The following NAA38 variants were observed in gnomAD, a reference collection of about 807,000 sequenced individuals.
The protein encoded by NAA38 is LSM domain containing 1.
In NAA38, 15 loss-of-function variants were observed where a neutral mutation model predicts 12.6. The observed-to-expected ratio is 1.19, with a 90% CI of 0.79 to 1.83. The LOEUF (loss-of-function observed/expected upper bound fraction) is 1.83. Among genes scored for constraint, NAA38 ranks in the 40% most tolerant of loss-of-function variants. The probability of loss-of-function intolerance (pLI) is 0.00; values close to 1 mark genes in which losing one functional copy is unlikely to be tolerated. For missense variants in NAA38, 183 were observed against 171.7 expected (o/e 1.07, Z -0.37); for synonymous variants, 88 against 69.9 (o/e 1.26, Z -1.29).
upstream of NAA38, chr17:7,860,521 C>G (rs1390283138): frequency 6.6e-6 from 1 of 152,156 alleles, no homozygotes. Context: ...TAGGTAGTAA[C>G]CACTAGAGCC....
chr17:7,860,401 G>C (rs1192002629), upstream of NAA38: 1 of 152,142 alleles, frequency 6.6e-6, no homozygotes, highest in African/African-American at 2.4e-5. Flanking sequence ...TCTTGCCTCA[G>C]CCTCCCAAAT....
chr17:7,880,974 C>A (rs1262751510), intron 2 of NAA38, among the ~76,000 whole-genome samples: 5 of 152,036 alleles, frequency 3.3e-5, no homozygotes, highest in Non-Finnish European at 5.9e-5. Flanking sequence ...GCAAGCCCAG[C>A]CAAGTTAGTT....
chr17:7,862,405 T>C (rs904979057), upstream of NAA38: 2 of 152,190 alleles, frequency 1.3e-5, no homozygotes, highest in Non-Finnish European at 1.5e-5. Context: ...GGATTCACTT[T>C]CCTTGCTTCC....
In NAA38 at chr17:7,857,553, TC is replaced by T. The variant is rs1350048178; in HGVS notation, c.-91del. ...ATCTCGCGAGCGCTCCCGACCTCTTTCCTTTCGCGAGATCCCCTCTCCTCCC... is the reference window on the plus strand; with the variant it reads ...ATCTCGCGAGCGCTCCCGACCTCTTTCTTTCGCGAGATCCCCTCTCCTCCC... On this transcript the variant is annotated 5_prime_UTR_variant, in exon 1 of 3. Coordinates refer to ENST00000575771, the MANE Select transcript of NAA38 (RefSeq NM_001320925.4). The T allele has an allele frequency of 1.3e-5, 19 of 1,428,790 alleles. No homozygotes were observed. The highest frequency in any genetic ancestry group is 1.6e-5 in the Non-Finnish European group (17 of 1,094,648). 88.5% of individuals were successfully genotyped at this position (1,428,790 alleles called of 1,614,324 possible). A position where few individuals can be genotyped will look rare whatever the true frequency, so the allele number is the denominator to read the frequency against.
At position 7,856,815 on chromosome 17, in the gene NAA38, C is replaced by A; in HGVS notation, c.294G>T (p.Val98=). The change falls in exon 3 of 3, where the codon GTG becomes GTT. Residue 98 remains valine (V), a synonymous_variant. Transcript: ENST00000575771. ...GTCCGGGTACCATGGCCAGGCCCAGCACACGGGGCTCCCCGGCAGAGAAGG... is the reference window on the plus strand; with the variant it reads ...GTCCGGGTACCATGGCCAGGCCCAGAACACGGGGCTCCCCGGCAGAGAAGG... ...SDSFSAGEPR[V]LGLAMVPGHH... 6.2e-7 allele frequency: 1 copy of A among 1,613,934 alleles called. No homozygotes were observed. The highest frequency in any genetic ancestry group is 8.5e-7 in the Non-Finnish European group (1 of 1,180,020).
At chr17:7,871,417 A>T (rs1228293523) in intron 2 of NAA38, among the ~76,000 whole-genome samples, 1 of 152,182 alleles carries the variant, frequency 6.6e-6, no homozygotes, top group African/African-American at 2.4e-5. Context: ...CCTATTGTTC[A>T]TCTTTTGTAC....
At chr17:7,885,307 C>CCCGCCGCACCCCTCCCCCGCCG (rs1555603802), upstream of NAA38, 34 of 157,572 alleles carry the variant, frequency 2.2e-4, no homozygotes, top group Admixed American at 1.1e-3. Context: ...GCACCCCTCC[C>CCCGCCGCACCCCTCCCCCGCCG]CCGCCGCCGC....
At chr17:7,858,225 C>T (rs139498228), upstream of NAA38, 107 of 1,613,888 alleles carry the variant, frequency 6.6e-5, no homozygotes, top group Non-Finnish European at 8.4e-5. Flanking sequence ...ACATAACAGG[C>T]CCGAAGACCT....
upstream of NAA38, chr17:7,857,870 CTGAAAGCGGCGCAACTCA>C (rs770171185): frequency 6.8e-4 from 939 of 1,387,122 alleles, 8 homozygotes; most frequent in Middle Eastern, 0.011. Flanking sequence ...CCCGCAACTC[CTGAAAGCGGCGCAACTCA>C]ATTACTTGAT....
chr17:7,870,124 G>C (rs1221931988), intron 2 of NAA38, among the ~76,000 whole-genome samples: 2 of 152,270 alleles, frequency 1.3e-5, no homozygotes, highest in African/African-American at 4.8e-5. Context: ...GCTGGGCATG[G>C]TGGCCCCTGT....
intron 2 of NAA38, among the ~76,000 whole-genome samples, chr17:7,872,812 A>G (rs969659958): frequency 6.6e-5 from 10 of 152,350 alleles, no homozygotes; most frequent in African/African-American, 2.2e-4. Context: ...GATTTAAAGT[A>G]TCACCTTTGC....
At chr17:7,869,688 G>A (rs1449847490) in intron 2 of NAA38, among the ~76,000 whole-genome samples, 3 of 150,632 alleles carry the variant, frequency 2.0e-5, no homozygotes, top group South Asian at 2.1e-4. Flanking sequence ...GCTTCAACCC[G>A]GGAGGCAGAG....
chr17:7,879,059 T>A (rs556466480), intron 2 of NAA38, among the ~76,000 whole-genome samples: 42 of 151,876 alleles, frequency 2.8e-4, no homozygotes, highest in Non-Finnish European at 1.3e-4. Context: ...ATCAGAAATA[T>A]ATCCTCTCAG....
upstream of NAA38, chr17:7,859,726 C>T: frequency 1.2e-6 from 1 of 862,774 alleles, no homozygotes. Context: ...CTCCACTCCT[C>T]TCCAGGAGCT....
chr17:7,883,790 G>A (rs1164186917), intron 1 of NAA38, among the ~76,000 whole-genome samples: 2 of 151,376 alleles, frequency 1.3e-5, no homozygotes, highest in African/African-American at 2.4e-5. Flanking sequence ...ATGCCTGAAG[G>A]GGAAAAAAAC....
In NAA38 at chr17:7,857,080, A is replaced by G; in HGVS notation, c.200T>C (p.Phe67Ser). Residue 67 changes from phenylalanine to serine, a missense_variant, in exon 2 of 3, where the codon TTC becomes TCC. By Grantham distance (155) the Phe-to-Ser change is radical. Transcript: ENST00000575771. ...ATTGCAGTCACGGTCAGTGCAGAGG[A>G]AGCAGCCGACCAGTGTCCGTCCATC... is the stretch of plus-strand genomic sequence containing the variant. ...MTDGRTLVGC[F>S]LCTDRDCNVI... The G allele has an allele frequency of 6.2e-7, 1 of 1,613,506 alleles. No homozygotes were observed. The highest frequency in any genetic ancestry group is 8.5e-7 in the Non-Finnish European group (1 of 1,180,008).
At position 7,884,311 on chromosome 17, in the gene NAA38, G is replaced by T. The variant is rs189487777; in HGVS notation, c.-167+854C>A. On this transcript the variant is annotated intron_variant, in intron 1 of 4. Transcript: ENST00000576861. ...TATGGAGGGGGTGGCGGTGCTGGAG[G>T]GGGGGTTGTTTTAAAAATAATTTCA... Among the ~76,000 whole-genome samples the T allele has an allele frequency of 2.5e-3, 374 of 148,944 alleles. 2 individuals carry two copies. Among genetic ancestry groups the T allele is most frequent in the African/African-American group, 8.9e-3 (361 of 40,396 alleles).
chr17:7,877,232 A>T (rs771546735), intron 2 of NAA38, among the ~76,000 whole-genome samples: 22 of 152,196 alleles, frequency 1.4e-4, no homozygotes, highest in Non-Finnish European at 2.4e-4. Flanking sequence ...ATCCCCCTTG[A>T]CTATTTTTTC....
chr17:7,882,238 GCA>G, intron 2 of NAA38, among the ~76,000 whole-genome samples: 1 of 152,284 alleles, frequency 6.6e-6, no homozygotes, highest in Non-Finnish European at 1.5e-5. Flanking sequence ...TAGGGAGAGG[GCA>G]CAGAGGCAGA....
Sources: allele counts gnomAD v4.1 joint callset (sites outside exome capture counted in the v4.1 genomes callset), GRCh38; gene constraint gnomAD v4.1.1; transcripts MANE v1.5; gene names NCBI Gene and HGNC (gene_info 2026-07-23, HGNC 2026-07-21).